Variants in NAALADL2 observed in about 807,000 individuals in gnomAD.
The protein encoded by NAALADL2 is inactive N-acetylated-alpha-linked acidic dipeptidase-like protein 2.
In NAALADL2, 76 loss-of-function variants were observed where a neutral mutation model predicts 87.2. The ratio of observed to expected loss-of-function variants is 0.87; its 90% CI spans 0.72 to 1.05. The LOEUF (loss-of-function observed/expected upper bound fraction) is 1.05, where lower values mean the gene tolerates loss of function less well. NAALADL2 is among the 50% of genes least tolerant of loss of function. The pLI is 0.00. For missense variants in NAALADL2, 1,089 were observed against 945.8 expected (o/e 1.15, Z -1.99); for synonymous variants, 354 against 331.0 (o/e 1.07, Z -0.75).
chr3:175,400,846 C>T (rs61697972), intron 5 of NAALADL2, among the ~76,000 whole-genome samples: 3,222 of 152,178 alleles, frequency 0.021, 108 homozygotes, highest in African/African-American at 0.073. Flanking sequence ...TGTCTCCCAA[C>T]AGAACTCTCC....
intron 5 of NAALADL2, among the ~76,000 whole-genome samples, chr3:175,414,721 A>G (rs967149055): frequency 1.3e-5 from 2 of 152,214 alleles, no homozygotes; most frequent in African/African-American, 4.8e-5. Context: ...AGGTGCAGAC[A>G]TATCAAAAGA....
intron 2 of NAALADL2, among the ~76,000 whole-genome samples, chr3:174,552,253 C>T (rs562380278): frequency 3.9e-5 from 6 of 152,176 alleles, no homozygotes; most frequent in African/African-American, 1.2e-4. Context: ...GTTGGCATCT[C>T]CTATATACAA....
At chr3:175,128,106 T>C (rs920525914) in intron 2 of NAALADL2, among the ~76,000 whole-genome samples, 6 of 152,180 alleles carry the variant, frequency 3.9e-5, no homozygotes, top group Admixed American at 6.5e-5. Flanking sequence ...TTAAGTAATA[T>C]AGAAGGTTGT....
chr3:174,838,669 C>G (rs1723651090), intron 3 of NAALADL2, among the ~76,000 whole-genome samples: 1 of 152,132 alleles, frequency 6.6e-6, no homozygotes, highest in South Asian at 2.1e-4. Context: ...AATTAATGTT[C>G]ATAAATCAGT....
chr3:174,625,139 G>C (rs1320239052), intron 2 of NAALADL2, among the ~76,000 whole-genome samples: 2 of 140,800 alleles, frequency 1.4e-5, no homozygotes, highest in Non-Finnish European at 3.0e-5. Flanking sequence ...GCTCACTGAA[G>C]CCTCAGCCTC....
intron 10 of NAALADL2, among the ~76,000 whole-genome samples, chr3:175,592,195 A>T (rs762608648): frequency 3.9e-5 from 6 of 152,108 alleles, no homozygotes; most frequent in Non-Finnish European, 8.8e-5. Context: ...GCTTCTGGAA[A>T]CACTCCTTAC....
At chr3:175,166,977 G>A (rs1734092876) in intron 2 of NAALADL2, among the ~76,000 whole-genome samples, 1 of 151,916 alleles carries the variant, frequency 6.6e-6, no homozygotes, top group African/African-American at 2.4e-5. Flanking sequence ...CCTAAATGTG[G>A]CCTGAATATG....
intron 13 of NAALADL2, among the ~76,000 whole-genome samples, chr3:175,757,990 A>G (rs551271462): frequency 6.6e-6 from 1 of 152,108 alleles, no homozygotes; most frequent in African/African-American, 2.4e-5. Flanking sequence ...AGCTTTCCCC[A>G]TTTGTCTTTC....
chr3:175,022,893 C>T (rs1370899905), intron 1 of NAALADL2, among the ~76,000 whole-genome samples: 1 of 152,110 alleles, frequency 6.6e-6, no homozygotes, highest in Non-Finnish European at 1.5e-5. Flanking sequence ...CTGTACCAGA[C>T]CCTGGGGATA....
intron 1 of NAALADL2, among the ~76,000 whole-genome samples, chr3:174,903,673 C>G (rs1308736510): frequency 6.6e-6 from 1 of 151,802 alleles, no homozygotes; most frequent in Non-Finnish European, 1.5e-5. Flanking sequence ...GACAAGCATG[C>G]AATTCACTGG....
chr3:174,630,020 G>C (rs984011495), intron 2 of NAALADL2, among the ~76,000 whole-genome samples: 1 of 152,074 alleles, frequency 6.6e-6, no homozygotes, highest in Non-Finnish European at 1.5e-5. Flanking sequence ...GCAGGTTTAT[G>C]TATATTATGG....
chr3:174,534,468 A>G (rs1410653983), intron 1 of NAALADL2, among the ~76,000 whole-genome samples: 2 of 152,200 alleles, frequency 1.3e-5, no homozygotes, highest in East Asian at 1.9e-4. Context: ...TTCTGTTTCT[A>G]TCATTCTTCT....
At chr3:175,601,109 A>T (rs1490274504) in intron 10 of NAALADL2, among the ~76,000 whole-genome samples, 3 of 152,198 alleles carry the variant, frequency 2.0e-5, no homozygotes, top group Non-Finnish European at 4.4e-5. Flanking sequence ...TAAATGAAAG[A>T]TAGCATTTTT....
chr3:174,992,963 G>A (rs1372713788), intron 1 of NAALADL2, among the ~76,000 whole-genome samples: 1 of 151,944 alleles, frequency 6.6e-6, no homozygotes, highest in Non-Finnish European at 1.5e-5. Context: ...GGAGCTCTGG[G>A]GCTTGATACC....
At chr3:175,419,664 C>T (rs570767459) in intron 5 of NAALADL2, among the ~76,000 whole-genome samples, 87 of 152,028 alleles carry the variant, frequency 5.7e-4, no homozygotes, top group African/African-American at 2.0e-3. Flanking sequence ...TCCTCTGTGC[C>T]TTCTCTGGGT....
chr3:175,144,185 G>A (rs1427887534), intron 2 of NAALADL2, among the ~76,000 whole-genome samples: 3 of 151,866 alleles, frequency 2.0e-5, no homozygotes, highest in Non-Finnish European at 2.9e-5. Context: ...TCAAGAATCA[G>A]TCAGCATGCT....
intron 1 of NAALADL2, among the ~76,000 whole-genome samples, chr3:174,867,286 A>C (rs1225830893): frequency 6.6e-6 from 1 of 151,964 alleles, no homozygotes; most frequent in Non-Finnish European, 1.5e-5. Flanking sequence ...TCCGCTATTA[A>C]CACTTACATG....
chr3:175,636,434 C>A (rs536677233), intron 11 of NAALADL2, among the ~76,000 whole-genome samples: 2 of 152,216 alleles, frequency 1.3e-5, no homozygotes, highest in South Asian at 4.1e-4. Flanking sequence ...CACGGTGGCT[C>A]ACGCTTGTAA....
chr3:175,547,349 A>C (rs1030724978), intron 9 of NAALADL2, among the ~76,000 whole-genome samples: 3 of 152,148 alleles, frequency 2.0e-5, no homozygotes. Context: ...GTCCTGGGAT[A>C]ATTGGCTAGC....
Sources: allele counts gnomAD v4.1 joint callset (sites outside exome capture counted in the v4.1 genomes callset), GRCh38; gene constraint gnomAD v4.1.1; transcripts MANE v1.5; gene names NCBI Gene and HGNC (gene_info 2026-07-23, HGNC 2026-07-21).